Variants in ABTB3 observed in about 807,000 individuals in gnomAD.
The protein encoded by ABTB3 is ankyrin repeat- and BTB/POZ domain-containing protein 3.
At chr12:107,634,396 T>TATCTGTCA in the ABTB3 span, among the ~76,000 whole-genome samples, 1,149 of 152,316 alleles carry the variant, frequency 7.5e-3, 14 homozygotes, top group African/African-American at 0.026. Context: ...TTTCTATACA[T>TATCTGTCA]ATCTGTCAAT....
the ABTB3 span, among the ~76,000 whole-genome samples, chr12:107,511,385 G>T: frequency 1.3e-5 from 2 of 152,196 alleles, no homozygotes; most frequent in Admixed American, 6.5e-5. Flanking sequence ...GTGCTCTGTA[G>T]GTCAGCTGGG....
the ABTB3 span, among the ~76,000 whole-genome samples, chr12:107,375,422 AATCATCATCATCATCATCATCATC>A: frequency 4.2e-4 from 63 of 148,390 alleles, 2 homozygotes; most frequent in South Asian, 0.013. Flanking sequence ...TGGTGTCAGA[AATCATCATCATCATCATCATCATC>A]ATCATCATCA....
the ABTB3 span, among the ~76,000 whole-genome samples, chr12:107,547,774 A>G: frequency 6.6e-6 from 1 of 152,162 alleles, no homozygotes; most frequent in Non-Finnish European, 1.5e-5. Context: ...TTGAACTTCC[A>G]TTTGTCCTTC....
At chr12:107,581,427 G>GT in the ABTB3 span, 2 of 776,496 alleles carry the variant, frequency 2.6e-6, no homozygotes, top group Non-Finnish European at 3.5e-6. Context: ...GCGCTGGGGT[G>GT]GAGGCTCCCT....
At chr12:107,576,162 C>T in the ABTB3 span, among the ~76,000 whole-genome samples, 1 of 152,092 alleles carries the variant, frequency 6.6e-6, no homozygotes, top group Non-Finnish European at 1.5e-5. Flanking sequence ...CAGTTGAAGC[C>T]CCTCTACTGA....
At chr12:107,638,025 C>T in the ABTB3 span, among the ~76,000 whole-genome samples, 1 of 152,070 alleles carries the variant, frequency 6.6e-6, no homozygotes, top group Non-Finnish European at 1.5e-5. Context: ...TTTTCGTCAA[C>T]TCTCAGGCCT....
the ABTB3 span, chr12:107,618,458 C>T: frequency 3.0e-4 from 363 of 1,212,302 alleles, no homozygotes; most frequent in African/African-American, 2.3e-3. Context: ...CGCACATGCG[C>T]GCACACATAC....
the ABTB3 span, among the ~76,000 whole-genome samples, chr12:107,545,213 G>A: frequency 2.6e-5 from 4 of 152,006 alleles, no homozygotes; most frequent in African/African-American, 7.2e-5. Flanking sequence ...TAGGCTATAC[G>A]GAGGTTGCTG....
At chr12:107,592,767 G>A in the ABTB3 span, among the ~76,000 whole-genome samples, 19 of 152,142 alleles carry the variant, frequency 1.2e-4, no homozygotes, top group Non-Finnish European at 2.8e-4. Context: ...CAGGAGAGAG[G>A]GTACTCAGAA....
chr12:107,626,661 C>T, the ABTB3 span, among the ~76,000 whole-genome samples: 7 of 152,050 alleles, frequency 4.6e-5, no homozygotes, highest in Non-Finnish European at 7.3e-5. Flanking sequence ...CTCAGGTACC[C>T]TCAAAGAAGT....
At chr12:107,592,790 T>C in the ABTB3 span, among the ~76,000 whole-genome samples, 7 of 152,234 alleles carry the variant, frequency 4.6e-5, no homozygotes, top group Admixed American at 2.6e-4. Flanking sequence ...GTAGACAAGA[T>C]GATGGAGTCA....
the ABTB3 span, among the ~76,000 whole-genome samples, chr12:107,336,708 C>T: frequency 6.6e-6 from 1 of 152,218 alleles, no homozygotes; most frequent in Admixed American, 6.5e-5. Flanking sequence ...TCCAGCACAG[C>T]ATCTGGCACA....
At chr12:107,503,076 C>A in the ABTB3 span, among the ~76,000 whole-genome samples, 1 of 152,134 alleles carries the variant, frequency 6.6e-6, no homozygotes, top group Non-Finnish European at 1.5e-5. Context: ...GGGGAAGCAC[C>A]AGGGTTGGTC....
At chr12:107,421,520 C>G in the ABTB3 span, among the ~76,000 whole-genome samples, 7 of 152,334 alleles carry the variant, frequency 4.6e-5, no homozygotes, top group East Asian at 1.3e-3. Flanking sequence ...CTGCAAAGCT[C>G]TTCTGCTAAG....
the ABTB3 span, among the ~76,000 whole-genome samples, chr12:107,381,433 A>C: frequency 4.0e-4 from 61 of 152,356 alleles, no homozygotes; most frequent in Admixed American, 2.6e-3. Context: ...TGAGGTATGC[A>C]AAGGGGCTTC....
chr12:107,568,490 A>G, the ABTB3 span, among the ~76,000 whole-genome samples: 5 of 152,164 alleles, frequency 3.3e-5, no homozygotes, highest in African/African-American at 1.2e-4. Flanking sequence ...TTAGAGCTGC[A>G]TTGTCTGGGA....
chr12:107,439,194 CT>C, the ABTB3 span, among the ~76,000 whole-genome samples: 60 of 151,614 alleles, frequency 4.0e-4, 1 homozygote, highest in Admixed American at 2.1e-3. Context: ...CAGTTGTCTG[CT>C]TTTTTTTTCT....
the ABTB3 span, chr12:107,642,206 T>A: frequency 1.9e-6 from 3 of 1,586,464 alleles, no homozygotes; most frequent in Non-Finnish European, 2.6e-6. Flanking sequence ...TCTGTGCTGG[T>A]TGGCACAGGG....
At chr12:107,580,799 G>C in the ABTB3 span, 2 of 1,503,624 alleles carry the variant, frequency 1.3e-6, no homozygotes, top group Non-Finnish European at 1.8e-6. Flanking sequence ...CCCTGCGCTT[G>C]GTGCTTCAAG....
Sources: gnomAD v4.1 joint callset for allele counts (sites outside exome capture counted in the v4.1 genomes callset) on GRCh38, gnomAD v4.1.1 for gene constraint, MANE v1.5 for transcripts, NCBI Gene and HGNC (gene_info 2026-07-23, HGNC 2026-07-21) for gene names.